Variants in AFAP1L2 observed in about 807,000 individuals in gnomAD.
AFAP1L2 encodes actin filament-associated protein 1-like 2.
AFAP1L2 carries 46 observed loss-of-function variants against 99.3 expected under a neutral mutation model. The ratio of observed to expected loss-of-function variants is 0.46; its 90% confidence interval spans 0.37 to 0.59. The LOEUF (loss-of-function observed/expected upper bound fraction) is 0.59. AFAP1L2 is among the 20% of genes least tolerant of loss of function. The pLI, the probability that AFAP1L2 is intolerant of heterozygous loss-of-function variation, is 0.00. For synonymous variants in AFAP1L2, 397 were observed against 419.1 expected, an observed-to-expected ratio of 0.95 and a Z score of 0.64; for missense variants, 959 against 1,034.9, an observed-to-expected ratio of 0.93 and a Z score of 1.01.
At chr10:114,346,108 G>A (rs1468844769) in intron 1 of AFAP1L2, among the ~76,000 whole-genome samples, 1 of 152,202 alleles carries the variant, frequency 6.6e-6, no homozygotes, top group Non-Finnish European at 1.5e-5. Flanking sequence ...GCTGTGGCAG[G>A]TGAAGGGGAA....
chr10:114,335,653 G>A (rs2047858765), intron 2 of AFAP1L2, among the ~76,000 whole-genome samples: 1 of 151,452 alleles, frequency 6.6e-6, no homozygotes, highest in Admixed American at 6.6e-5. Context: ...CTACCAATAG[G>A]TTAAACATTA....
At chr10:114,326,924 A>G (rs2046370971) in intron 4 of AFAP1L2, among the ~76,000 whole-genome samples, 1 of 151,144 alleles carries the variant, frequency 6.6e-6, no homozygotes, top group African/African-American at 2.4e-5. Flanking sequence ...TTGGTGGAGG[A>G]TAAACTAGTG....
chr10:114,331,738 T>G, intron 4 of AFAP1L2, 65 bp downstream of exon 4: 28 of 1,146,484 alleles, frequency 2.4e-5, no homozygotes, highest in Non-Finnish European at 3.1e-5. Context: ...CTGACACCTG[T>G]GGAGACAACT....
intron 1 of AFAP1L2, among the ~76,000 whole-genome samples, chr10:114,397,760 C>T (rs959496028): frequency 6.6e-6 from 1 of 152,204 alleles, no homozygotes; most frequent in African/African-American, 2.4e-5. Flanking sequence ...TCTGAGCTAA[C>T]AGCTGGCTAG....
chr10:114,293,470 T>C (rs2039786405), downstream of AFAP1L2, among the ~76,000 whole-genome samples: 1 of 152,184 alleles, frequency 6.6e-6, no homozygotes, highest in Non-Finnish European at 1.5e-5. Flanking sequence ...GGAAATGGGT[T>C]TCTCGCCTTT....
At position 114,304,878 on chromosome 10, in the gene AFAP1L2, G is replaced by A. The variant is rs538214197; in HGVS notation, c.1125C>T (p.Val375=). The A allele has an allele frequency of 6.2e-7, 1 of 1,613,446 alleles. No homozygotes were observed. Among genetic ancestry groups the A allele is most frequent in the Admixed American group, 1.7e-5 (1 of 60,024 alleles). ...NSQWKSRWCS[V]RDNHLHFYQD... ...GGTAGAAGTGCAGGTGATTGTCCCT[G>A]ACAGAGCACCAGCGAGACTTCCACT... The change falls in exon 11 of 19, where the codon GTC becomes GTT. Residue 375 remains valine, a synonymous_variant. Transcript: ENST00000304129.
At position 114,295,048 on chromosome 10, in the gene AFAP1L2, A is replaced by AAAAG; in HGVS notation, c.*990_*993dup. 1.0e-6 allele frequency: 1 copy of AAAAG among 983,658 alleles called. No individual in the cohort carries two copies. The highest frequency in any genetic ancestry group is 1.2e-6 in the Non-Finnish European group (1 of 829,336). The allele number at this position is 983,658 out of a possible 1,614,324, so 60.9% of individuals were successfully genotyped here. ...AAAAAAAAAAAAATGCCATCAGAGG[A>AAAAG]AAAGACAGGGGCAGCACAAGGAACA... On this transcript the variant is annotated 3_prime_UTR_variant, in exon 19 of 19. Transcript: ENST00000304129.
At position 114,295,653 on chromosome 10, in the gene AFAP1L2, A is replaced by G. The variant is rs1351223975; in HGVS notation, c.*389T>C. 2 of 1,010,596 alleles carry G rather than the reference A, an allele frequency of 2.0e-6. No homozygotes were observed. The highest frequency in any genetic ancestry group is 2.4e-6 in the Non-Finnish European group (2 of 846,052). 62.6% of individuals were successfully genotyped at this position (1,010,596 alleles called of 1,614,324 possible). Reference sequence around the variant, plus strand: ...GAGTTTAGGTCTTCTCACTCACCAAAGACACGTGACCCATAAGACAGGGCC... The same window carrying G: ...GAGTTTAGGTCTTCTCACTCACCAAGGACACGTGACCCATAAGACAGGGCC... On this transcript the variant is annotated 3_prime_UTR_variant, in exon 19 of 19. Transcript: ENST00000304129.
At chr10:114,343,460 C>T (rs1308370763) in intron 1 of AFAP1L2, among the ~76,000 whole-genome samples, 1 of 152,222 alleles carries the variant, frequency 6.6e-6, no homozygotes, top group African/African-American at 2.4e-5. Context: ...AGCCTGCACT[C>T]ATTTGCTCAC....
Position 114,333,170 on chromosome 10 carries a change from C to G in AFAP1L2, c.220+51G>C, listed in dbSNP as rs368351725. On this transcript the variant is annotated intron_variant, in intron 3 of 18. Transcript: ENST00000304129. ...GGGACAGAACCAGCTTGGACCTTCC[C>G]CCATCCCAGGAGTGGCCATCATACC... 1.4e-5 allele frequency: 21 copies of G among 1,523,292 alleles called. No individual in the cohort carries two copies. The African/African-American group carries it at 2.9e-4, about 21-fold the overall frequency. 94.4% of individuals were successfully genotyped at this position (1,523,292 alleles called of 1,614,324 possible).
intron 1 of AFAP1L2, among the ~76,000 whole-genome samples, chr10:114,352,715 C>A (rs148218059): frequency 1.3e-5 from 2 of 152,304 alleles, no homozygotes; most frequent in African/African-American, 4.8e-5. Flanking sequence ...AGAAACAGGT[C>A]GAAAGAATGA....
chr10:114,285,057 C>T, the AFAP1L2 span: 2 of 1,133,392 alleles, frequency 1.8e-6, no homozygotes, highest in South Asian at 3.4e-5. Context: ...CTTCCAGCTG[C>T]TGGGTAGAAA....
chr10:114,316,812 C>T (rs2044219148), intron 5 of AFAP1L2, among the ~76,000 whole-genome samples: 1 of 152,190 alleles, frequency 6.6e-6, no homozygotes, highest in Non-Finnish European at 1.5e-5. Flanking sequence ...GGAAAGGGAA[C>T]CTCAGGATTT....
At chr10:114,285,887 C>A in the AFAP1L2 span, 1 of 1,508,230 alleles carries the variant, frequency 6.6e-7, no homozygotes, top group Non-Finnish European at 8.9e-7. Context: ...TGGGACAGCT[C>A]GCATGCCGCA....
intron 7 of AFAP1L2, among the ~76,000 whole-genome samples, chr10:114,313,670 G>A (rs540059331): frequency 2.0e-5 from 3 of 152,330 alleles, no homozygotes; most frequent in African/African-American, 4.8e-5. Context: ...ACCCAAGTCC[G>A]GGCTACTGGG....
intron 4 of AFAP1L2, among the ~76,000 whole-genome samples, chr10:114,323,862 T>C (rs1017921515): frequency 6.6e-6 from 1 of 152,170 alleles, no homozygotes; most frequent in Non-Finnish European, 1.5e-5. Context: ...CATTGTGATA[T>C]AGTAGTGCTA....
the AFAP1L2 span, chr10:114,284,989 T>A: frequency 1.3e-6 from 2 of 1,553,142 alleles, no homozygotes; most frequent in South Asian, 2.4e-5. Flanking sequence ...GCACCGGCCC[T>A]GCAAGACTGA....
At chr10:114,289,228 G>T in the AFAP1L2 span, 1 of 1,613,958 alleles carries the variant, frequency 6.2e-7, no homozygotes, top group Non-Finnish European at 8.5e-7. Context: ...CTATGACAAA[G>T]TGATGACCGT....
chr10:114,346,832 A>G (rs1474972953), intron 1 of AFAP1L2, among the ~76,000 whole-genome samples: 1 of 152,146 alleles, frequency 6.6e-6, no homozygotes, highest in East Asian at 1.9e-4. Context: ...TGGGCGGTTC[A>G]ACTGCTCGAT....
Sources: gnomAD v4.1 joint callset for allele counts (sites outside exome capture counted in the v4.1 genomes callset) on GRCh38, gnomAD v4.1.1 for gene constraint, MANE v1.5 for transcripts, NCBI Gene and HGNC (gene_info 2026-07-23, HGNC 2026-07-21) for gene names.